STAU2: variants seen among roughly 807,000 people sequenced by gnomAD.
The protein encoded by STAU2 is double-stranded RNA-binding protein Staufen homolog 2.
STAU2 carries 20 observed loss-of-function variants against 65.9 expected under a neutral mutation model. The ratio of observed to expected loss-of-function variants is 0.30; its 90% CI spans 0.21 to 0.44. STAU2 has a LOEUF of 0.44. STAU2 is among the 20% of genes least tolerant of loss of function. The pLI is 1.00. For synonymous variants in STAU2, 232 were observed against 233.9 expected (o/e 0.99, Z 0.07); for missense variants, 558 against 683.9 (o/e 0.82, Z 2.05).
At chr8:73,443,994 G>A (rs77112509) in intron 13 of STAU2, among the ~76,000 whole-genome samples, 230 of 152,284 alleles carry the variant, frequency 1.5e-3, no homozygotes, top group African/African-American at 5.2e-3. Context: ...GTCAGTCAGG[G>A]ACCCAGACTC....
intron 6 of STAU2, among the ~76,000 whole-genome samples, chr8:73,649,102 C>T (rs1465983855): frequency 1.3e-5 from 2 of 152,172 alleles, no homozygotes; most frequent in Admixed American, 1.3e-4. Context: ...CCAATAAGAG[C>T]TTTTTGATGA....
intron 6 of STAU2, chr8:73,653,799 T>C: frequency 2.8e-6 from 1 of 351,368 alleles, no homozygotes; most frequent in South Asian, 2.2e-5. Context: ...CCTTTAGGAG[T>C]CTTCAAGAGA....
At chr8:73,513,062 T>C (rs937909369) in intron 13 of STAU2, among the ~76,000 whole-genome samples, 1 of 152,194 alleles carries the variant, frequency 6.6e-6, no homozygotes, top group African/African-American at 2.4e-5. Context: ...TCCCCCTAAG[T>C]ATTAATCACC....
intron 2 of STAU2, 117 bp downstream of exon 2, chr8:73,739,639 A>T (rs549002224): frequency 2.2e-6 from 2 of 910,456 alleles, no homozygotes; most frequent in African/African-American, 3.4e-5. Flanking sequence ...CATCTGCATC[A>T]ATTTTTATTT....
At chr8:73,594,418 G>A (rs1472527514) in intron 11 of STAU2, among the ~76,000 whole-genome samples, 1 of 152,092 alleles carries the variant, frequency 6.6e-6, no homozygotes, top group Non-Finnish European at 1.5e-5. Flanking sequence ...AGATGGCCTG[G>A]TCTAAAGCAT....
intron 12 of STAU2, among the ~76,000 whole-genome samples, chr8:73,558,279 T>A (rs1807936163): frequency 6.6e-6 from 1 of 152,200 alleles, no homozygotes; most frequent in Non-Finnish European, 1.5e-5. Flanking sequence ...TCCCTAGATG[T>A]TCCAGAGATG....
At chr8:73,660,709 G>A (rs1816768045) in intron 6 of STAU2, among the ~76,000 whole-genome samples, 1 of 152,170 alleles carries the variant, frequency 6.6e-6, no homozygotes, top group Admixed American at 6.5e-5. Context: ...ATTTTCCAAA[G>A]CTCATGTTTA....
intron 13 of STAU2, among the ~76,000 whole-genome samples, chr8:73,487,553 GGTTT>G (rs1820979396): frequency 1.3e-5 from 2 of 152,066 alleles, no homozygotes; most frequent in Admixed American, 6.6e-5. Flanking sequence ...GAGATCTTCT[GGTTT>G]GTTTGTTTAA....
intron 3 of STAU2, among the ~76,000 whole-genome samples, chr8:73,711,024 G>GT: frequency 6.8e-6 from 1 of 146,308 alleles, no homozygotes; most frequent in East Asian, 2.1e-4. Flanking sequence ...AGAAAACTAC[G>GT]TAAGCACCTG....
intron 13 of STAU2, among the ~76,000 whole-genome samples, chr8:73,428,669 C>A (rs547308708): frequency 6.6e-6 from 1 of 152,054 alleles, no homozygotes; most frequent in African/African-American, 2.4e-5. Flanking sequence ...TTTAAAAAAT[C>A]GTTTTTAGGC....
At chr8:73,642,262 C>T (rs539942655) in intron 6 of STAU2, among the ~76,000 whole-genome samples, 1 of 152,306 alleles carries the variant, frequency 6.6e-6, no homozygotes, top group South Asian at 2.1e-4. Context: ...CGGTGGCTCA[C>T]GCCTGTAATC....
intron 6 of STAU2, among the ~76,000 whole-genome samples, chr8:73,641,966 A>G (rs1815011796): frequency 6.6e-6 from 1 of 152,162 alleles, no homozygotes; most frequent in Admixed American, 6.5e-5. Context: ...CTCCCACAAC[A>G]CTATGAACTT....
chr8:73,631,895 TC>T (rs1454245201), intron 6 of STAU2, among the ~76,000 whole-genome samples: 1 of 151,126 alleles, frequency 6.6e-6, no homozygotes, highest in Non-Finnish European at 1.5e-5. Context: ...CTGCCTACGA[TC>T]CTAAATCTTA....
At chr8:73,587,493 A>G (rs553342906) in intron 11 of STAU2, among the ~76,000 whole-genome samples, 2 of 152,298 alleles carry the variant, frequency 1.3e-5, no homozygotes, top group South Asian at 4.1e-4. Flanking sequence ...AATCTGCAAT[A>G]CAAGAGGAGG....
At chr8:73,525,877 G>A (rs1805414175) in intron 13 of STAU2, among the ~76,000 whole-genome samples, 1 of 152,200 alleles carries the variant, frequency 6.6e-6, no homozygotes, top group Admixed American at 6.5e-5. Flanking sequence ...TAAGCTCCAT[G>A]AGAGCAAGAA....
chr8:73,690,680 A>G (rs1204419375), intron 4 of STAU2, among the ~76,000 whole-genome samples: 1 of 152,238 alleles, frequency 6.6e-6, no homozygotes, highest in African/African-American at 2.4e-5. Flanking sequence ...TAATGTGGCA[A>G]ATAAATTAAC....
At chr8:73,623,793 G>C (rs1813439753) in intron 6 of STAU2, among the ~76,000 whole-genome samples, 1 of 152,082 alleles carries the variant, frequency 6.6e-6, no homozygotes, top group Non-Finnish European at 1.5e-5. Flanking sequence ...TTTCAAACTT[G>C]TATGTATATA....
intron 8 of STAU2, among the ~76,000 whole-genome samples, chr8:73,614,193 T>C (rs921024208): frequency 2.0e-5 from 3 of 152,176 alleles, no homozygotes; most frequent in Non-Finnish European, 4.4e-5. Flanking sequence ...AAATGATTTA[T>C]TACTTTAAAA....
intron 5 of STAU2, 47 bp from the exon 6 acceptor site, chr8:73,673,289 CA>C: frequency 6.8e-7 from 1 of 1,466,196 alleles, no homozygotes; most frequent in Non-Finnish European, 9.1e-7. Flanking sequence ...AATATCTTCA[CA>C]ATTAAACATG....
Sources: gnomAD v4.1 joint callset for allele counts (sites outside exome capture counted in the v4.1 genomes callset) on GRCh38, gnomAD v4.1.1 for gene constraint, MANE v1.5 for transcripts, NCBI Gene and HGNC (gene_info 2026-07-23, HGNC 2026-07-21) for gene names.